PAPOLA: variants seen among roughly 807,000 people sequenced by gnomAD.
PAPOLA encodes the protein polynucleotide adenylyltransferase alpha.
In PAPOLA, 15 loss-of-function variants were observed where a neutral mutation model predicts 100.6. The ratio of observed to expected loss-of-function variants is 0.15; its 90% confidence interval spans 0.10 to 0.23. The LOEUF is 0.23. Among genes scored for constraint, PAPOLA ranks in the 10% least tolerant of loss-of-function variants. The pLI, the probability that PAPOLA is intolerant of heterozygous loss-of-function variation, is 1.00. For missense variants in PAPOLA, 533 were observed against 884.2 expected (o/e 0.60, Z 5.04); for synonymous variants, 293 against 300.0 (o/e 0.98, Z 0.24).
Position 96,527,542 on chromosome 14 carries a change from G to A in PAPOLA, c.441+3G>A. ...AGGAAGAAGTAAAAGATTTAAGAGT[G>A]CGTAAATGTTCGGGGTGAAATGGGA... On this transcript the variant is annotated splice_donor_region_variant and intron_variant, in intron 5 of 21. Transcript: ENST00000216277. 1.4e-6 allele frequency: 2 copies of A among 1,461,350 alleles called. No individual in the cohort carries two copies. The highest frequency in any genetic ancestry group is 1.7e-4 in the Middle Eastern group (1 of 5,746). 90.5% of individuals were successfully genotyped at this position (1,461,350 alleles called of 1,614,324 possible). A position where few individuals can be genotyped will look rare whatever the true frequency, so the allele number is the denominator to read the frequency against.
At chr14:96,513,967 C>G (rs1449636983) in intron 1 of PAPOLA, among the ~76,000 whole-genome samples, 3 of 152,006 alleles carry the variant, frequency 2.0e-5, no homozygotes, top group Non-Finnish European at 4.4e-5. Context: ...CTTTCAGTGC[C>G]TTTATGCTTT....
intron 7 of PAPOLA, 72 bp from the exon 8 acceptor site, chr14:96,532,256 ATGT>A (rs1200189608): frequency 6.8e-6 from 10 of 1,479,656 alleles, no homozygotes; most frequent in South Asian, 2.8e-5. Context: ...TGATGATTTA[ATGT>A]TGTTTTTTTT....
At chr14:96,518,529 C>G (rs1380978600) in intron 1 of PAPOLA, among the ~76,000 whole-genome samples, 1 of 151,844 alleles carries the variant, frequency 6.6e-6, no homozygotes, top group Non-Finnish European at 1.5e-5. Context: ...CTGCCTCAGC[C>G]TCTCCGAGTA....
chr14:96,563,960 G>A (rs186661428), intron 21 of PAPOLA, among the ~76,000 whole-genome samples: 1 of 151,994 alleles, frequency 6.6e-6, no homozygotes, highest in African/African-American at 2.4e-5. Context: ...TAGTACCCAT[G>A]GGTATTTGCC....
At position 96,509,985 on chromosome 14, in the gene PAPOLA, T is replaced by A. The variant is rs914339038; in HGVS notation, c.8+7385T>A. Among the ~76,000 whole-genome samples, 41 of 149,030 alleles carry A rather than the reference T, an allele frequency of 2.8e-4. 1 individual carries two copies. The highest frequency in any genetic ancestry group is 2.0e-4 in the East Asian group (1 of 5,094). ...AGTTGCTTTTTTTTTTTTTTTTTTT[T>A]AATCTTTGGATTGTATGTAGGCCTG... is the stretch of plus-strand genomic sequence containing the variant. On this transcript the variant is annotated intron_variant, in intron 1 of 21. Transcript: ENST00000216277.
Position 96,521,081 on chromosome 14 carries a change from AC to A in PAPOLA, c.249+10del, listed in dbSNP as rs1293499788. 3 of 1,391,470 alleles carry A rather than the reference AC, an allele frequency of 2.2e-6. No individual in the cohort carries two copies. The highest frequency in any genetic ancestry group is 3.1e-6 in the Non-Finnish European group (3 of 980,452). The allele number at this position is 1,391,470 out of a possible 1,614,324, so 86.2% of individuals were successfully genotyped here. A position where few individuals can be genotyped will look rare whatever the true frequency, so the allele number is the denominator to read the frequency against. ...AAATCAGTGAAAGCAAGGTAAGGCA[AC>A]TTTTTTGTATATGAAATAATTTCAT... On this transcript the variant is annotated intron_variant, in intron 3 of 21. Transcript: ENST00000216277.
intron 6 of PAPOLA, among the ~76,000 whole-genome samples, chr14:96,529,647 G>A (rs1461695309): frequency 3.3e-5 from 5 of 151,944 alleles, no homozygotes; most frequent in Non-Finnish European, 7.4e-5. Context: ...ACTTGAACCC[G>A]GGAAGTGGAG....
chr14:96,559,872 G>C (rs555461495), intron 19 of PAPOLA, among the ~76,000 whole-genome samples: 1 of 151,682 alleles, frequency 6.6e-6, no homozygotes, highest in African/African-American at 2.4e-5. Context: ...TATAAGTACC[G>C]TATATTTGTC....
At chr14:96,537,342 A>G (rs1296971908) in intron 12 of PAPOLA, 3 of 289,820 alleles carry the variant, frequency 1.0e-5, no homozygotes, top group Non-Finnish European at 1.9e-5. Flanking sequence ...GTACATCTGT[A>G]TACAGTGGCA....
At position 96,565,001 on chromosome 14, in the gene PAPOLA, A is replaced by G; in HGVS notation, c.2189A>G (p.Asn730Ser). The change falls in exon 22 of 22, where the codon AAT (asparagine) becomes AGT (serine). Residue 730 changes from asparagine (N) to serine (S), a missense_variant. Asn to Ser is a conservative substitution (Grantham distance 46). Coordinates refer to ENST00000216277, the MANE Select transcript of PAPOLA (RefSeq NM_032632.5). Reference sequence around the variant, plus strand: ...TCTGATATCCCTGCTCTCCCTGCAAATCCTATTCCTGTTATCAAGAATTCA... The same window carrying G: ...TCTGATATCCCTGCTCTCCCTGCAAGTCCTATTCCTGTTATCAAGAATTCA... The part of the protein sequence containing the change: ...DLSDIPALPA[N>S]PIPVIKNSIK... 2 of 1,604,680 alleles carry G rather than the reference A, an allele frequency of 1.2e-6. No homozygotes were observed. The highest frequency in any genetic ancestry group is 1.7e-6 in the Non-Finnish European group (2 of 1,171,602).
In PAPOLA at chr14:96,502,470, AG is replaced by A; in HGVS notation, c.-119del. 1 of 747,374 alleles carries A rather than the reference AG, an allele frequency of 1.3e-6. No homozygotes were observed. Among genetic ancestry groups the A allele is most frequent in the South Asian group, 1.6e-5 (1 of 64,196 alleles). 46.3% of individuals were successfully genotyped at this position (747,374 alleles called of 1,614,324 possible). Reference sequence around the variant, plus strand: ...TAAAGCGGCGGGAGCGGTGCGGGAGAGGGGTTGGACCCAGGGCTGAGGCAGG... The same window carrying A: ...TAAAGCGGCGGGAGCGGTGCGGGAGAGGGTTGGACCCAGGGCTGAGGCAGG... On this transcript the variant is annotated 5_prime_UTR_variant, in exon 1 of 22. Coordinates refer to ENST00000216277, the MANE Select transcript of PAPOLA (RefSeq NM_032632.5).
In PAPOLA at chr14:96,556,259, C is replaced by T. The variant is rs530268310; in HGVS notation, c.1850C>T (p.Ser617Phe). The change falls in exon 19 of 22, where the codon TCT becomes TTT. Residue 617 changes from serine (S) to phenylalanine (F), a missense_variant. Ser to Phe is a radical substitution (Grantham distance 155, BLOSUM62 -2). This residue lies in a region of PAPOLA where 242 missense variants were observed against 281.0 expected (regional missense o/e 0.86). Transcript: ENST00000216277. Reference protein sequence around the residue: ...PPKPTVSRVVSSTRLVNPPPR... With the variant: ...PPKPTVSRVVFSTRLVNPPPR... ...AAGCCTACGGTCTCCAGAGTTGTTT[C>T]TTCAACACGTCTGGTAAACCCACCA... The T allele has an allele frequency of 6.2e-7, 1 of 1,614,092 alleles. No homozygotes were observed. Among genetic ancestry groups the T allele is most frequent in the South Asian group, 1.1e-5 (1 of 91,074 alleles).
At position 96,555,804 on chromosome 14, in the gene PAPOLA, TATTTTTAAATTTTGAGACA is replaced by T. The variant is rs1385726890; in HGVS notation, c.1665-34_1665-16del. ...TATTGTAATTTTTTTTTTATTTTTCTATTTTTAAATTTTGAGACAATTTTTAATTTTTTTTTTTTTAGCA... is the reference window on the plus strand; with the variant it reads ...TATTGTAATTTTTTTTTTATTTTTCTATTTTTAATTTTTTTTTTTTTAGCA... On this transcript the variant is annotated intron_variant, in intron 17 of 21. Coordinates refer to ENST00000216277, the MANE Select transcript of PAPOLA (RefSeq NM_032632.5). 2.9e-6 allele frequency: 3 copies of T among 1,027,400 alleles called. No individual in the cohort carries two copies. In the Admixed American group the frequency reaches 6.9e-5, roughly 24 times the overall value. 63.6% of individuals were successfully genotyped at this position (1,027,400 alleles called of 1,614,324 possible).
intron 1 of PAPOLA, among the ~76,000 whole-genome samples, chr14:96,512,263 A>T (rs752587999): frequency 2.1e-4 from 31 of 149,252 alleles, no homozygotes; most frequent in Non-Finnish European, 3.6e-4. Context: ...ACAAATAGTT[A>T]AAAAAAAAAC....
Position 96,565,886 on chromosome 14 carries a change from T to G in PAPOLA, c.*836T>G. The G allele has an allele frequency of 2.5e-6, 1 of 398,602 alleles. No homozygotes were observed. The highest frequency in any genetic ancestry group is 4.4e-6 in the Non-Finnish European group (1 of 225,760). The allele number at this position is 398,602 out of a possible 1,614,324, so 24.7% of individuals were successfully genotyped here. On this transcript the variant is annotated 3_prime_UTR_variant, in exon 22 of 22. Transcript: ENST00000216277. ...CTCCCCTGTTTTCTTCCTTTTTCTT[T>G]TTGCTTGTATGCACAAGGTAGGACT...
At chr14:96,515,143 A>G (rs1897365445) in intron 1 of PAPOLA, among the ~76,000 whole-genome samples, 1 of 152,248 alleles carries the variant, frequency 6.6e-6, no homozygotes, top group Non-Finnish European at 1.5e-5. Flanking sequence ...ACGAATTGTT[A>G]TATAGAATGT....
intron 6 of PAPOLA, among the ~76,000 whole-genome samples, chr14:96,528,814 T>C (rs1898735656): frequency 6.6e-6 from 1 of 152,200 alleles, no homozygotes; most frequent in Non-Finnish European, 1.5e-5. Context: ...ACTCTGTATT[T>C]TATGAAAAGT....
chr14:96,531,090 C>T (rs1898973618), intron 6 of PAPOLA, among the ~76,000 whole-genome samples: 1 of 152,144 alleles, frequency 6.6e-6, no homozygotes, highest in Non-Finnish European at 1.5e-5. Context: ...GCAGTTCTGC[C>T]TCCTGGGTTC....
chr14:96,518,973 G>T (rs1195796127), intron 1 of PAPOLA, among the ~76,000 whole-genome samples: 1 of 152,034 alleles, frequency 6.6e-6, no homozygotes, highest in East Asian at 2.0e-4. Flanking sequence ...AGGAGAATCG[G>T]TGGAACCTGG....
Sources: allele counts gnomAD v4.1 joint callset (sites outside exome capture counted in the v4.1 genomes callset), GRCh38; gene constraint gnomAD v4.1.1; regional missense constraint gnomAD v4.1.1; transcripts MANE v1.5; gene names NCBI Gene and HGNC (gene_info 2026-07-23, HGNC 2026-07-21).